PRDM2: variants seen among roughly 807,000 people sequenced by gnomAD.
PRDM2 encodes the protein PR domain zinc finger protein 2.
A neutral mutation model predicts 130.0 loss-of-function variants in PRDM2; 30 were observed. The ratio of observed to expected loss-of-function variants is 0.23; its 90% CI spans 0.17 to 0.31. The LOEUF is 0.31. Ranked by LOEUF, PRDM2 falls within the 10% of genes least tolerant of loss-of-function variation. The probability of loss-of-function intolerance (pLI) is 1.00; values close to 1 mark genes in which losing one functional copy is unlikely to be tolerated. For synonymous variants in PRDM2, 871 were observed against 782.4 expected (o/e 1.11, Z -1.89); for missense variants, 2,011 against 2,108.4 (o/e 0.95, Z 0.90).
intron 6 of PRDM2, among the ~76,000 whole-genome samples, chr1:13,755,245 T>C (rs551789662): frequency 6.6e-6 from 1 of 152,368 alleles, no homozygotes; most frequent in African/African-American, 2.4e-5. Context: ...AGGGAAATTA[T>C]GTGGATTAAC....
At chr1:13,770,541 C>T (rs1284726767) in intron 6 of PRDM2, among the ~76,000 whole-genome samples, 2 of 151,518 alleles carry the variant, frequency 1.3e-5, no homozygotes, top group Non-Finnish European at 2.9e-5. Flanking sequence ...TTGCAAGTGA[C>T]TGTATTACAA....
At chr1:13,786,578 C>G in intron 8 of PRDM2, 1 of 1,603,298 alleles carries the variant, frequency 6.2e-7, no homozygotes, top group Non-Finnish European at 8.5e-7. Flanking sequence ...GTATTGCATG[C>G]TCAACTTAGG....
At position 13,778,891 on chromosome 1, in the gene PRDM2, G is replaced by A; in HGVS notation, c.1096G>A (p.Glu366Lys). 2 of 1,614,250 alleles carry A rather than the reference G, an allele frequency of 1.2e-6. No individual in the cohort carries two copies. Among genetic ancestry groups the A allele is most frequent in the Non-Finnish European group, 1.7e-6 (2 of 1,180,050 alleles). ...ETFMFPCQHC[E>K]RKFTTKQGLE... ...GTTTATGTTTCCGTGTCAACATTGT[G>A]AAAGGAAGTTTACAACCAAACAGGG... Residue 366 changes from glutamate (E) to lysine (K), a missense_variant, in exon 8 of 10, where the codon GAA becomes AAA. By Grantham distance (56) the Glu-to-Lys change is moderately conservative (BLOSUM62 1). Coordinates refer to ENST00000311066, the MANE Select transcript of PRDM2 (RefSeq NM_001393986.1).
chr1:13,728,645 G>C (rs746430619), intron 2 of PRDM2, among the ~76,000 whole-genome samples: 1 of 146,124 alleles, frequency 6.8e-6, no homozygotes, highest in Non-Finnish European at 1.5e-5. Flanking sequence ...CTGGGTGTAT[G>C]AGTCCAAAAG....
chr1:13,814,237 C>T (rs547139791), intron 8 of PRDM2, among the ~76,000 whole-genome samples: 2 of 152,272 alleles, frequency 1.3e-5, no homozygotes, highest in South Asian at 4.1e-4. Flanking sequence ...CTTGGTGGCC[C>T]GTCAGGAGCA....
chr1:13,786,494 T>G (rs765314206), intron 8 of PRDM2: 1 of 1,610,314 alleles, frequency 6.2e-7, no homozygotes, highest in Non-Finnish European at 8.5e-7. Flanking sequence ...GTCATTTATC[T>G]TCAGTTTTCT....
intron 9 of PRDM2, 140 bp downstream of exon 9, chr1:13,816,710 C>T: frequency 8.5e-7 from 1 of 1,174,038 alleles, no homozygotes; most frequent in South Asian, 1.6e-5. Flanking sequence ...CAGGGCCTCC[C>T]TCCAGGAGGG....
At chr1:13,794,256 G>A (rs1321570013) in intron 8 of PRDM2, among the ~76,000 whole-genome samples, 1 of 152,088 alleles carries the variant, frequency 6.6e-6, no homozygotes, top group Non-Finnish European at 1.5e-5. Flanking sequence ...CCTGACCATC[G>A]ATCTGTCACA....
chr1:13,781,715 A>G lies in PRDM2; in HGVS notation c.3920A>G (p.His1307Arg). 4 of 1,614,166 alleles carry G rather than the reference A, an allele frequency of 2.5e-6. No individual in the cohort carries two copies. In the South Asian group the frequency reaches 4.4e-5, roughly 18 times the overall value. The change falls in exon 8 of 10, where the codon CAC (histidine) becomes CGC (arginine). Residue 1307 changes from histidine (H) to arginine (R), a missense_variant. By Grantham distance (29) the His-to-Arg change is conservative. This residue lies in a region of PRDM2 where 229 missense variants were observed against 364.1 expected (regional missense o/e 0.63). Coordinates refer to ENST00000311066, the MANE Select transcript of PRDM2 (RefSeq NM_001393986.1). This position sits in a 1 kb window ranked among gnomAD's most constrained non-coding sequence, Gnocchi z 6.1. ...SFKPPPFQYH[H>R]RNPMGIGVTA... ...AAACCACCTCCATTTCAGTACCATC[A>G]CCGTAACCCCATGGGGATTGGTGTG...
intron 8 of PRDM2, chr1:13,786,521 C>A: frequency 1.2e-6 from 2 of 1,610,566 alleles, no homozygotes; most frequent in Non-Finnish European, 1.7e-6. Context: ...CTAGGAACTT[C>A]CTGTAGAAAA....
At chr1:13,766,519 A>T (rs1382196192) in intron 6 of PRDM2, among the ~76,000 whole-genome samples, 1 of 152,208 alleles carries the variant, frequency 6.6e-6, no homozygotes, top group Non-Finnish European at 1.5e-5. Context: ...GCAAGGATGA[A>T]GGACTGATGG....
Position 13,779,403 on chromosome 1 carries a change from C to A in PRDM2, c.1608C>A (p.Asn536Lys). 1.9e-6 allele frequency: 3 copies of A among 1,614,082 alleles called. No homozygotes were observed. Among genetic ancestry groups the A allele is most frequent in the Non-Finnish European group, 2.5e-6 (3 of 1,180,026 alleles). ...CAGAACAGGCCCAGGCCACCCAGAA[C>A]GTGTATGTACCAAGCACAGAGCCGG... ...PPAEQAQATQNVYVPSTEPEE... is the reference protein window; with the variant it reads ...PPAEQAQATQKVYVPSTEPEE... The change falls in exon 8 of 10, where the codon AAC becomes AAA. Residue 536 changes from asparagine to lysine, a missense_variant. Coordinates refer to ENST00000311066, the MANE Select transcript of PRDM2 (RefSeq NM_001393986.1). The surrounding 1 kb of genome is among the most constrained non-coding windows in gnomAD (Gnocchi z 4.9).
At chr1:13,799,318 G>A (rs761718250) in intron 8 of PRDM2, among the ~76,000 whole-genome samples, 12 of 151,992 alleles carry the variant, frequency 7.9e-5, no homozygotes, top group Admixed American at 2.6e-4. Flanking sequence ...AGTGACGGGC[G>A]TCTGTAATCC....
At chr1:13,723,289 A>G (rs1348220879) in intron 2 of PRDM2, among the ~76,000 whole-genome samples, 2 of 152,162 alleles carry the variant, frequency 1.3e-5, no homozygotes, top group Non-Finnish European at 2.9e-5. Flanking sequence ...TCTTTAGGTC[A>G]CTGAGACGTT....
At chr1:13,802,202 T>A (rs1217061667) in intron 8 of PRDM2, among the ~76,000 whole-genome samples, 1 of 152,106 alleles carries the variant, frequency 6.6e-6, no homozygotes, top group Non-Finnish European at 1.5e-5. Context: ...GGCAGCGTCA[T>A]CCCCGTGTTG....
rs893196541 is a variant in PRDM2 at position 13,771,527 on chromosome 1, C to A, written c.512-1551C>A. 3.9e-5 allele frequency among the ~76,000 whole-genome samples: 6 copies of A among 152,124 alleles called. No homozygotes were observed. The highest frequency in any genetic ancestry group is 5.9e-5 in the Non-Finnish European group (4 of 68,026). On this transcript the variant is annotated intron_variant, in intron 6 of 9. Coordinates refer to ENST00000311066, the MANE Select transcript of PRDM2 (RefSeq NM_001393986.1). This position sits in a 1 kb window ranked among gnomAD's most constrained non-coding sequence, Gnocchi z 4.1. ...CAGGCGGATCATGAGGTCAGGAGATCGAGACCATCCTGGCTAAGATGGTGA... is the reference window on the plus strand; with the variant it reads ...CAGGCGGATCATGAGGTCAGGAGATAGAGACCATCCTGGCTAAGATGGTGA...
intron 8 of PRDM2, among the ~76,000 whole-genome samples, chr1:13,796,004 C>T (rs766377711): frequency 6.6e-6 from 1 of 152,094 alleles, no homozygotes; most frequent in African/African-American, 2.4e-5. Context: ...TGCAGGAAGG[C>T]GAGTGGTTCT....
rs996455567 is a variant in PRDM2, at chr1:13,780,691, A to G, written c.2896A>G (p.Ile966Val). The G allele has an allele frequency of 1.2e-6, 2 of 1,606,228 alleles. No homozygotes were observed. Residue 966 changes from isoleucine to valine, a missense_variant, in exon 8 of 10, where the codon ATC becomes GTC. This residue lies in a region of PRDM2 where 1,288 missense variants were observed against 1,237.7 expected (regional missense o/e 1.04). Coordinates refer to ENST00000311066, the MANE Select transcript of PRDM2 (RefSeq NM_001393986.1). ...ATCCGGTCAGCTGCCTCCTCTCTTGATCCCCACAGATCCCTCTTCCCCTCC... is the reference window on the plus strand; with the variant it reads ...ATCCGGTCAGCTGCCTCCTCTCTTGGTCCCCACAGATCCCTCTTCCCCTCC... ...LSSGQLPPLL[I>V]PTDPSSPPPC... is the part of the protein sequence containing the mutation.
At chr1:13,776,822 CGTGGAG>C (rs1170779534) in intron 7 of PRDM2, among the ~76,000 whole-genome samples, 2 of 152,150 alleles carry the variant, frequency 1.3e-5, no homozygotes, top group African/African-American at 4.8e-5. Context: ...CAGCCTCAGT[CGTGGAG>C]TCATCTGGGA....
Sources: gnomAD v4.1 joint callset for allele counts (sites outside exome capture counted in the v4.1 genomes callset) on GRCh38, gnomAD v4.1.1 for gene constraint, gnomAD v4.1.1 regional missense constraint, Gnocchi (gnomAD v3.1) non-coding constraint, MANE v1.5 for transcripts, NCBI Gene and HGNC (gene_info 2026-07-23, HGNC 2026-07-21) for gene names.